The following PRRC2B variants were observed in gnomAD, a reference collection of about 807,000 sequenced individuals.
The protein encoded by PRRC2B is protein PRRC2B.
Under a neutral mutation model 242.3 loss-of-function variants are expected in PRRC2B, and 68 were observed. That is an observed-to-expected ratio of 0.28 (90% CI 0.23 to 0.34). The LOEUF (loss-of-function observed/expected upper bound fraction) is 0.34, where lower values mean the gene tolerates loss of function less well. Among genes scored for constraint, PRRC2B ranks in the 10% least tolerant of loss-of-function variants. The pLI, the probability that PRRC2B is intolerant of heterozygous loss-of-function variation, is 1.00. For missense variants in PRRC2B, 2,835 were observed against 2,954.8 expected (o/e 0.96, Z 0.94); for synonymous variants, 1,228 against 1,173.6 (o/e 1.05, Z -0.95).
Position 131,476,212 on chromosome 9 carries a change from C to G in PRRC2B, c.4083C>G (p.Leu1361=). ...CTGTGGGCCGCAGGTCCCCTGAGCT[C>G]TCCTACCAGAACTCCTCCGATCACG... is the stretch of plus-strand genomic sequence containing the variant. ...SGTVGRRSPE[L]SYQNSSDHAN... is the part of the protein sequence containing the mutation. Residue 1361 remains leucine (L), a synonymous_variant, in exon 16 of 32, where the codon CTC becomes CTG. Transcript: ENST00000683519. The G allele has an allele frequency of 6.2e-7, 1 of 1,613,558 alleles. No individual in the cohort carries two copies. The highest frequency in any genetic ancestry group is 8.5e-7 in the Non-Finnish European group (1 of 1,179,814).
chr9:131,474,023 G>A (rs1208473054), intron 15 of PRRC2B, among the ~76,000 whole-genome samples: 1 of 152,192 alleles, frequency 6.6e-6, no homozygotes, highest in East Asian at 1.9e-4. Context: ...TCCAGAGCAT[G>A]GGTCTTGGCT....
At chr9:131,382,442 G>C (rs1400100011) in intron 1 of PRRC2B, among the ~76,000 whole-genome samples, 2 of 152,072 alleles carry the variant, frequency 1.3e-5, no homozygotes, top group Non-Finnish European at 2.9e-5. Context: ...ACTGGCTGTG[G>C]TTTGAAGAGA....
Position 131,474,710 on chromosome 9 carries a change from C to G in PRRC2B, c.2581C>G (p.Pro861Ala). 2 of 1,612,560 alleles carry G rather than the reference C, an allele frequency of 1.2e-6. No individual in the cohort carries two copies. Among genetic ancestry groups the G allele is most frequent in the Admixed American group, 3.3e-5 (2 of 59,746 alleles). ...RCSPLEPDFV[P>A]DEKKPECGSW... ...TTCCCCATTGGAGCCTGACTTTGTC[C>G]CAGATGAGAAAAAGCCAGAGTGTGG... The change falls in exon 16 of 32, where the codon CCA becomes GCA. Residue 861 changes from proline (P) to alanine (A), a missense_variant. Transcript: ENST00000683519.
rs1221873344 is a variant in PRRC2B, at chr9:131,491,559, A to G, written c.6360A>G (p.Pro2120=). Residue 2120 remains proline (P), a synonymous_variant, in exon 29 of 32, where the codon CCA becomes CCG. Coordinates refer to ENST00000683519, the MANE Select transcript of PRRC2B (RefSeq NM_013318.4). ...TTCCTCCGCCCGGGTCCCAGCCGCC[A>G]GTCCTGAACACCAGCAGAGAGGTAA... ...RRIPPPGSQP[P]VLNTSREPSQ... is the part of the protein sequence containing the mutation. 1 of 1,611,500 alleles carries G rather than the reference A, an allele frequency of 6.2e-7. No individual in the cohort carries two copies. The highest frequency in any genetic ancestry group is 1.3e-5 in the African/African-American group (1 of 74,898).
chr9:131,470,924 C>T lies in PRRC2B; in HGVS notation c.2048C>T (p.Pro683Leu), dbSNP rs768589106. Reference sequence around the variant, plus strand: ...ATGATGATGCCTTCCTACATGGACCCACGTATCACGCCCACTCGGACCCCG... The same window carrying T: ...ATGATGATGCCTTCCTACATGGACCTACGTATCACGCCCACTCGGACCCCG... Reference protein sequence around the residue: ...RWMMMPSYMDPRITPTRTPVD... With the variant: ...RWMMMPSYMDLRITPTRTPVD... Residue 683 changes from proline to leucine, a missense_variant, in exon 14 of 32, where the codon CCA becomes CTA. Transcript: ENST00000683519. 1.2e-6 allele frequency: 2 copies of T among 1,612,604 alleles called. No homozygotes were observed. Among genetic ancestry groups the T allele is most frequent in the Non-Finnish European group, 1.7e-6 (2 of 1,179,100 alleles).
intron 2 of PRRC2B, among the ~76,000 whole-genome samples, chr9:131,431,322 G>A (rs958722691): frequency 2.0e-5 from 3 of 151,872 alleles, no homozygotes; most frequent in Non-Finnish European, 4.4e-5. Context: ...AGTAGAGACG[G>A]GGTTTCACCG....
At chr9:131,409,686 C>T (rs1014915113) in intron 1 of PRRC2B, among the ~76,000 whole-genome samples, 3 of 152,186 alleles carry the variant, frequency 2.0e-5, no homozygotes, top group African/African-American at 7.2e-5. Context: ...CTGCTCCAGG[C>T]TTCGTATTCC....
At chr9:131,462,335 C>T (rs1464076968) in intron 11 of PRRC2B, among the ~76,000 whole-genome samples, 4 of 152,068 alleles carry the variant, frequency 2.6e-5, no homozygotes, top group Non-Finnish European at 1.5e-5. Context: ...GCCTCAGCCT[C>T]CCAAGTAGCT....
At chr9:131,420,823 C>A (rs575073606) in intron 1 of PRRC2B, among the ~76,000 whole-genome samples, 5 of 152,090 alleles carry the variant, frequency 3.3e-5, no homozygotes, top group African/African-American at 1.2e-4. Flanking sequence ...GGAGCCTCTG[C>A]AAGCTGGAGG....
chr9:131,488,062 G>A lies in PRRC2B; in HGVS notation c.6191G>A (p.Gly2064Asp), dbSNP rs1217343310. The A allele has an allele frequency of 6.2e-7, 1 of 1,613,218 alleles. No individual in the cohort carries two copies. The highest frequency in any genetic ancestry group is 8.5e-7 in the Non-Finnish European group (1 of 1,179,546). The part of the protein sequence containing the change: ...EGQLSQAAGL[G>D]ASQMLDSQLP... ...CAGCTCAGCCAGGCTGCTGGCCTGG[G>A]TGCCTCCCAGATGTTGGACTCCCAG... Residue 2064 changes from glycine to aspartate, a missense_variant, in exon 28 of 32, where the codon GGT becomes GAT. Gly to Asp is a moderately conservative substitution (Grantham distance 94, BLOSUM62 -1). Around this residue, in one of 7 missense-constraint regions of PRRC2B, gnomAD observed 574 missense variants for 626.0 expected, o/e 0.92. Coordinates refer to ENST00000683519, the MANE Select transcript of PRRC2B (RefSeq NM_013318.4).
chr9:131,451,793 T>A (rs1346629674), intron 9 of PRRC2B, among the ~76,000 whole-genome samples: 1 of 152,196 alleles, frequency 6.6e-6, no homozygotes, highest in African/African-American at 2.4e-5. Context: ...TTATGGGTAT[T>A]GCATTGTGTT....
rs1333083417 is a variant in PRRC2B at position 131,498,444 on chromosome 9, C to A, written c.*2570C>A. 6.6e-6 allele frequency: 1 copy of A among 152,238 alleles called. No individual in the cohort carries two copies. Among genetic ancestry groups the A allele is most frequent in the Non-Finnish European group, 1.5e-5 (1 of 68,044 alleles). 9.4% of individuals were successfully genotyped at this position (152,238 alleles called of 1,614,324 possible). The stretch of plus-strand genomic sequence containing the variant: ...CAGGTTTTAAATGAGACTTGGGGGG[C>A]TGAGGGCAGGCCTCAGGCCTCCCAG... On this transcript the variant is annotated 3_prime_UTR_variant, in exon 32 of 32. Transcript: ENST00000683519.
chr9:131,448,382 A>G (rs1321786426), intron 9 of PRRC2B, among the ~76,000 whole-genome samples: 1 of 151,598 alleles, frequency 6.6e-6, no homozygotes, highest in Non-Finnish European at 1.5e-5. Flanking sequence ...TGTCTCTACT[A>G]AAAATACAAA....
chr9:131,389,149 ATTTT>A (rs71501254), upstream of PRRC2B, among the ~76,000 whole-genome samples: 1 of 108,852 alleles, frequency 9.2e-6, no homozygotes, highest in African/African-American at 3.5e-5. Flanking sequence ...GCTCCTTTCA[ATTTT>A]TTTTTTTTTT....
At chr9:131,480,661 G>A (rs1943832482) in intron 19 of PRRC2B, among the ~76,000 whole-genome samples, 1 of 151,646 alleles carries the variant, frequency 6.6e-6, no homozygotes, top group Admixed American at 6.6e-5. Context: ...ATGTTGCCCA[G>A]GCTGGACTTG....
At chr9:131,381,634 T>C (rs1452406264) in intron 1 of PRRC2B, among the ~76,000 whole-genome samples, 1 of 152,108 alleles carries the variant, frequency 6.6e-6, no homozygotes, top group African/African-American at 2.4e-5. Flanking sequence ...TTAGCCAGGA[T>C]GGTCTTGATC....
intron 1 of PRRC2B, among the ~76,000 whole-genome samples, chr9:131,397,221 A>C (rs1337574206): frequency 6.6e-6 from 1 of 152,146 alleles, no homozygotes; most frequent in Non-Finnish European, 1.5e-5. Context: ...ATACCTGTGA[A>C]TTTTGGTTAT....
At chr9:131,456,889 T>C (rs1361420777) in intron 10 of PRRC2B, among the ~76,000 whole-genome samples, 1 of 152,254 alleles carries the variant, frequency 6.6e-6, no homozygotes, top group Non-Finnish European at 1.5e-5. Flanking sequence ...TTTCCTTTGC[T>C]TCCTTTGTAT....
chr9:131,374,985 G>C (rs1227130722), intron 1 of PRRC2B, among the ~76,000 whole-genome samples: 2 of 152,230 alleles, frequency 1.3e-5, no homozygotes, highest in Non-Finnish European at 2.9e-5. Flanking sequence ...AGAGGCAGAA[G>C]CTGGGCAATT....
Sources: allele counts gnomAD v4.1 joint callset (sites outside exome capture counted in the v4.1 genomes callset), GRCh38; gene constraint gnomAD v4.1.1; regional missense constraint gnomAD v4.1.1; transcripts MANE v1.5; gene names NCBI Gene and HGNC (gene_info 2026-07-23, HGNC 2026-07-21).